TRIM41: variants seen among roughly 807,000 people sequenced by gnomAD.
TRIM41 encodes the protein tripartite motif containing 41.
A neutral mutation model predicts 60.6 loss-of-function variants in TRIM41; 21 were observed. The observed-to-expected ratio is 0.35, with a 90% CI of 0.25 to 0.50. TRIM41 has a LOEUF of 0.50. Among genes scored for constraint, TRIM41 ranks in the 20% least tolerant of loss-of-function variants. The pLI, the probability that TRIM41 is intolerant of heterozygous loss-of-function variation, is 0.98. For missense variants in TRIM41, 846 were observed against 868.3 expected (o/e 0.97, Z 0.32); for synonymous variants, 407 against 344.9 (o/e 1.18, Z -2.00).
Position 181,224,547 on chromosome 5 carries a change from G to A in TRIM41, c.548G>A (p.Cys183Tyr). The change falls in exon 1 of 6, where the codon TGC becomes TAC. Residue 183 changes from cysteine to tyrosine, a missense_variant. Physicochemically the swap from Cys to Tyr is radical, Grantham distance 194 (BLOSUM62 -2). Coordinates refer to ENST00000315073, the MANE Select transcript of TRIM41 (RefSeq NM_033549.5). ...PPPAPRRCFT[C>Y]PQCRKSFPRR... is the part of the protein sequence containing the mutation. ...CCAGCCCCTCGGAGGTGCTTCACAT[G>A]CCCTCAGTGCCGAAAGAGCTTTCCT... 1 of 1,613,242 alleles carries A rather than the reference G, an allele frequency of 6.2e-7. No homozygotes were observed. The highest frequency in any genetic ancestry group is 8.5e-7 in the Non-Finnish European group (1 of 1,179,250).
intron 1 of TRIM41, chr5:181,225,579 AAGTC>A (rs1383164419): frequency 1.3e-5 from 2 of 152,578 alleles, no homozygotes; most frequent in African/African-American, 4.8e-5. Flanking sequence ...TTGGGAAACA[AAGTC>A]AGAGAGGCTT....
Position 181,233,452 on chromosome 5 carries a change from T to G in TRIM41, c.1163+17T>G, listed in dbSNP as rs1346899817. The G allele has an allele frequency of 6.2e-7, 1 of 1,614,058 alleles. No homozygotes were observed. The highest frequency in any genetic ancestry group is 1.3e-5 in the African/African-American group (1 of 74,924). On this transcript the variant is annotated intron_variant, in intron 4 of 5. Transcript: ENST00000315073. This position sits in a 1 kb window ranked among gnomAD's most constrained non-coding sequence, Gnocchi z 4.1. ...TTTCAATAGGTGTGTTCCCAGTCTT[T>G]GCCCTTCGTGACCCAGTGGCATCTG...
Position 181,235,745 on chromosome 5 carries a change from GAA to G in TRIM41, c.*971_*972del. On this transcript the variant is annotated 3_prime_UTR_variant, in exon 6 of 6. Coordinates refer to ENST00000315073, the MANE Select transcript of TRIM41 (RefSeq NM_033549.5). The stretch of plus-strand genomic sequence containing the variant: ...CGCCCTCTGCTTTGATGGCTGAGGT[GAA>G]CTCATGTTCTTTGGGAAAAGGGAAG... 1 of 260,752 alleles carries G rather than the reference GAA, an allele frequency of 3.8e-6. No homozygotes were observed. Among genetic ancestry groups the G allele is most frequent in the Non-Finnish European group, 7.6e-6 (1 of 132,262 alleles). The allele number at this position is 260,752 out of a possible 1,614,324, so 16.2% of individuals were successfully genotyped here.
In TRIM41 at chr5:181,234,348, A is replaced by T. The variant is rs1433204042; in HGVS notation, c.1466A>T (p.Glu489Val). 6.2e-7 allele frequency: 1 copy of T among 1,609,200 alleles called. No homozygotes were observed. The highest frequency in any genetic ancestry group is 8.5e-7 in the Non-Finnish European group (1 of 1,178,528). ...QGFRSGRHYW[E>V]VEVGGRRGWA... ...TTCCGCTCCGGCCGGCACTACTGGG[A>T]GGTAGAGGTGGGCGGGCGGCGGGGC... Residue 489 changes from glutamate (E) to valine (V), a missense_variant, in exon 6 of 6, where the codon GAG becomes GTG. Glu to Val is a moderately radical substitution (Grantham distance 121, BLOSUM62 -2). Transcript: ENST00000315073. This position sits in a 1 kb window ranked among gnomAD's most constrained non-coding sequence, Gnocchi z 5.6.
In TRIM41 at chr5:181,233,387, C is replaced by T. The variant is rs375490749; in HGVS notation, c.1141-26C>T. 8 of 1,611,360 alleles carry T rather than the reference C, an allele frequency of 5.0e-6. No individual in the cohort carries two copies. Among genetic ancestry groups the T allele is most frequent in the South Asian group, 2.2e-5 (2 of 91,010 alleles). On this transcript the variant is annotated intron_variant, in intron 3 of 5. Coordinates refer to ENST00000315073, the MANE Select transcript of TRIM41 (RefSeq NM_033549.5). This position sits in a 1 kb window ranked among gnomAD's most constrained non-coding sequence, Gnocchi z 4.1. ...CTCTCTTTATCTCTTTCTCCCTCTC[C>T]CTCTTTTTGTTTCTCTTATTCCCAG...
rs750223691 is a variant in TRIM41 at position 181,233,632 on chromosome 5, C to T, written c.1164-4C>T. 7 of 1,613,898 alleles carry T rather than the reference C, an allele frequency of 4.3e-6. No homozygotes were observed. Among genetic ancestry groups the T allele is most frequent in the South Asian group, 1.1e-5 (1 of 91,088 alleles). On this transcript the variant is annotated splice_region_variant and splice_polypyrimidine_tract_variant and intron_variant, in intron 4 of 5. Coordinates refer to ENST00000315073, the MANE Select transcript of TRIM41 (RefSeq NM_033549.5). The surrounding 1 kb of genome is among the most constrained non-coding windows in gnomAD (Gnocchi z 4.1). ...CCACCCCCTGCCCGGTCCCCTTCCT[C>T]CAGGTGTGAAGAGGTACAGCTGCAG...
rs900950901 is a variant in TRIM41 at position 181,234,600 on chromosome 5, G to A, written c.1718G>A (p.Ser573Asn). 2.8e-5 allele frequency: 45 copies of A among 1,614,234 alleles called. No individual in the cohort carries two copies. The highest frequency in any genetic ancestry group is 3.8e-5 in the Non-Finnish European group (45 of 1,180,040). Reference protein sequence around the residue: ...SSTEQTLLSPSEKPRRFGVYL... With the variant: ...SSTEQTLLSPNEKPRRFGVYL... ...ACAGAACAGACGCTGCTGAGCCCCAGTGAGAAACCAAGGCGCTTTGGTGTG... is the reference window on the plus strand; with the variant it reads ...ACAGAACAGACGCTGCTGAGCCCCAATGAGAAACCAAGGCGCTTTGGTGTG... Residue 573 changes from serine to asparagine, a missense_variant, in exon 6 of 6, where the codon AGT becomes AAT. By Grantham distance (46) the Ser-to-Asn change is conservative. Transcript: ENST00000315073. The surrounding 1 kb of genome is among the most constrained non-coding windows in gnomAD (Gnocchi z 5.6).
rs1277611153 is a variant in TRIM41, at chr5:181,234,928, C to T, written c.*153C>T. Reference sequence around the variant, plus strand: ...TGACCCCAGGCCCCTGCTTCTCCCTCTAGGAGCCTAAAGAACCCTCCTGGC... The same window carrying T: ...TGACCCCAGGCCCCTGCTTCTCCCTTTAGGAGCCTAAAGAACCCTCCTGGC... On this transcript the variant is annotated 3_prime_UTR_variant, in exon 6 of 6. Transcript: ENST00000315073. The surrounding 1 kb of genome is among the most constrained non-coding windows in gnomAD (Gnocchi z 5.6). 2.5e-6 allele frequency: 4 copies of T among 1,613,798 alleles called. No homozygotes were observed. Among genetic ancestry groups the T allele is most frequent in the Admixed American group, 1.7e-5 (1 of 60,024 alleles).
At chr5:181,232,527 T>C (rs1202266829) in intron 2 of TRIM41, 132 bp from the exon 3 acceptor site, 20 of 831,682 alleles carry the variant, frequency 2.4e-5, no homozygotes, top group South Asian at 6.8e-5. Flanking sequence ...GATGAGCCTC[T>C]TTCCGGGACT....
intron 1 of TRIM41, chr5:181,227,330 A>C (rs1299831259): frequency 1.3e-5 from 2 of 152,020 alleles, no homozygotes; most frequent in East Asian, 3.9e-4. Context: ...AGGCTATTTT[A>C]CAAGTGGGTC....
chr5:181,225,545 T>C (rs1231017219), intron 1 of TRIM41: 1 of 152,614 alleles, frequency 6.6e-6, no homozygotes, highest in Non-Finnish European at 1.5e-5. Context: ...GAGTTTGATA[T>C]GTTTTCCATT....
In TRIM41 at chr5:181,224,673, G is replaced by T. The variant is rs867538353; in HGVS notation, c.674G>T (p.Gly225Val). 4 of 1,614,114 alleles carry T rather than the reference G, an allele frequency of 2.5e-6. No individual in the cohort carries two copies. The highest frequency in any genetic ancestry group is 2.7e-5 in the African/African-American group (2 of 74,934). Residue 225 changes from glycine (G) to valine (V), a missense_variant, in exon 1 of 6, where the codon GGC (glycine) becomes GTC (valine). Coordinates refer to ENST00000315073, the MANE Select transcript of TRIM41 (RefSeq NM_033549.5). ...CGAGGGAGCCGCGTGACCGATCAGG[G>T]CATCTGTCCCAAACACCAAGAAGCC... ...PGRGSRVTDQGICPKHQEALK... is the reference protein window; with the variant it reads ...PGRGSRVTDQVICPKHQEALK...
In TRIM41 at chr5:181,234,403, C is replaced by G; in HGVS notation, c.1521C>G (p.Thr507=). Residue 507 remains threonine (T), a synonymous_variant, in exon 6 of 6, where the codon ACC becomes ACG. Coordinates refer to ENST00000315073, the MANE Select transcript of TRIM41 (RefSeq NM_033549.5). This position sits in a 1 kb window ranked among gnomAD's most constrained non-coding sequence, Gnocchi z 5.6. The part of the protein sequence containing the change: ...GWAVGAARES[T]HHKEKVGPGG... ...CGGTGGGTGCTGCCCGTGAATCAAC[C>G]CATCATAAGGAAAAGGTGGGCCCTG... is the stretch of plus-strand genomic sequence containing the variant. 3.2e-6 allele frequency: 5 copies of G among 1,563,062 alleles called. 1 individual carries two copies. In the South Asian group the frequency reaches 3.5e-5, roughly 11 times the overall value.
rs1167840338 is a variant in TRIM41 at position 181,233,267 on chromosome 5, G to A, written c.1141-146G>A. 9 of 869,446 alleles carry A rather than the reference G, an allele frequency of 1.0e-5. No homozygotes were observed. The highest frequency in any genetic ancestry group is 7.9e-5 in the South Asian group (6 of 75,810). The allele number at this position is 869,446 out of a possible 1,614,324, so 53.9% of individuals were successfully genotyped here. ...CATGGGGTGGTTGAAATGGATGTGT[G>A]TTCATTGAGGGCCGTGAGGGTGCTG... On this transcript the variant is annotated intron_variant, in intron 3 of 5. Coordinates refer to ENST00000315073, the MANE Select transcript of TRIM41 (RefSeq NM_033549.5). The surrounding 1 kb of genome is among the most constrained non-coding windows in gnomAD (Gnocchi z 4.1).
chr5:181,230,972 T>G (rs2113172921), intron 2 of TRIM41, 133 bp downstream of exon 2: 1 of 733,874 alleles, frequency 1.4e-6, no homozygotes, highest in African/African-American at 1.7e-5. Context: ...GGGTAGATGC[T>G]TTCCCTAGGT....
intron 1 of TRIM41, chr5:181,229,301 C>T (rs914108804): frequency 1.3e-5 from 2 of 152,250 alleles, no homozygotes; most frequent in Non-Finnish European, 1.5e-5. Flanking sequence ...CCATTCTCTT[C>T]TTATTTGAAG....
At chr5:181,227,954 T>C (rs1331261294) in intron 1 of TRIM41, 1 of 151,774 alleles carries the variant, frequency 6.6e-6, no homozygotes, top group Non-Finnish European at 1.5e-5. Context: ...TTTTTTTTTT[T>C]TCGTGGAGAC....
chr5:181,234,478 TCGCCGC>T lies in TRIM41; in HGVS notation c.1602_1607del (p.Arg535_Arg536del). 2 of 1,613,400 alleles carry T rather than the reference TCGCCGC, an allele frequency of 1.2e-6. No homozygotes were observed. The highest frequency in any genetic ancestry group is 1.3e-5 in the African/African-American group (1 of 75,034). On this transcript the variant is annotated inframe_deletion, in exon 6 of 6. Transcript: ENST00000315073. The surrounding 1 kb of genome is among the most constrained non-coding windows in gnomAD (Gnocchi z 5.6). Reference sequence around the variant, plus strand: ...ATGCCAGCTCCTCGCGCCATCACCATCGCCGCCGCCGGCTCCACCTGCCCCAGCAGC... The same window carrying T: ...ATGCCAGCTCCTCGCGCCATCACCATCGCCGGCTCCACCTGCCCCAGCAGC...
chr5:181,235,560 G>C lies in TRIM41; in HGVS notation c.*785G>C, dbSNP rs1222883013. On this transcript the variant is annotated 3_prime_UTR_variant, in exon 6 of 6. Transcript: ENST00000315073. ...TCACTGCCAGGCTCCTCTCCCCTTT[G>C]TTCAGTGGAGCTGGCTTTTCTCCCA... 1 of 897,454 alleles carries C rather than the reference G, an allele frequency of 1.1e-6. No individual in the cohort carries two copies. The highest frequency in any genetic ancestry group is 1.7e-6 in the Non-Finnish European group (1 of 588,680). 55.6% of individuals were successfully genotyped at this position (897,454 alleles called of 1,614,324 possible).
Sources: gnomAD v4.1 joint callset for allele counts on GRCh38, gnomAD v4.1.1 for gene constraint, Gnocchi (gnomAD v3.1) non-coding constraint, MANE v1.5 for transcripts, NCBI Gene and HGNC (gene_info 2026-07-23, HGNC 2026-07-21) for gene names.